The following MID2 variants were observed in gnomAD, a reference collection of about 807,000 sequenced individuals.
MID2 encodes midline 2.
A neutral mutation model predicts 46.1 loss-of-function variants in MID2; 13 were observed. The ratio of observed to expected loss-of-function variants is 0.28; its 90% CI spans 0.18 to 0.45. The LOEUF (loss-of-function observed/expected upper bound fraction) is 0.45, where lower values mean the gene tolerates loss of function less well. Ranked by LOEUF, MID2 falls within the 20% of genes least tolerant of loss-of-function variation. MID2 has a pLI of 1.00. For missense variants in MID2, 431 were observed against 575.4 expected (o/e 0.75, Z 2.57); for synonymous variants, 199 against 212.3 (o/e 0.94, Z 0.55).
intron 3 of MID2, among the ~76,000 whole-genome samples, chrX:107,890,194 C>T (rs1932565962): frequency 8.9e-6 from 1 of 112,251 alleles, no homozygotes; most frequent in South Asian, 3.7e-4. Flanking sequence ...GAAAGGCGCT[C>T]TGATTTTTAG....
intron 5 of MID2, among the ~76,000 whole-genome samples, chrX:107,913,907 C>T (rs146500604): frequency 8.0e-5 from 9 of 111,877 alleles, no homozygotes; most frequent in East Asian, 5.6e-4. Flanking sequence ...ACGTTTGTAA[C>T]GTGGCCTACA....
intron 4 of MID2, 24 bp downstream of exon 4, chrX:107,904,089 T>A: frequency 1.0e-6 from 1 of 998,972 alleles, no homozygotes; most frequent in African/African-American, 1.9e-5. Flanking sequence ...CTTCAGTGAA[T>A]CCAAGGAAGG....
intron 2 of MID2, among the ~76,000 whole-genome samples, chrX:107,843,353 T>A (rs772732145): frequency 4.5e-4 from 50 of 112,215 alleles, no homozygotes; most frequent in African/African-American, 1.4e-3. Context: ...ACATGATGAT[T>A]GATTAGATAT....
At chrX:107,856,102 A>G (rs181304981) in intron 3 of MID2, among the ~76,000 whole-genome samples, 2 of 112,244 alleles carry the variant, frequency 1.8e-5, no homozygotes, top group East Asian at 5.6e-4. Context: ...ACTTCTTTCT[A>G]GGTATCACAG....
chrX:107,847,077 A>ATTTATT (rs1214500012), intron 2 of MID2, among the ~76,000 whole-genome samples: 1 of 112,556 alleles, frequency 8.9e-6, no homozygotes, highest in Non-Finnish European at 1.9e-5. Context: ...ATAATGAGGT[A>ATTTATT]ATGCCTTATT....
At chrX:107,870,742 A>G (rs1302385328) in intron 3 of MID2, among the ~76,000 whole-genome samples, 1 of 101,257 alleles carries the variant, frequency 9.9e-6, no homozygotes, top group Non-Finnish European at 2.0e-5. Context: ...AGCAAGCACT[A>G]CAAATTGCGG....
At chrX:107,888,390 G>C (rs1277598386) in intron 3 of MID2, among the ~76,000 whole-genome samples, 2 of 112,308 alleles carry the variant, frequency 1.8e-5, no homozygotes, top group East Asian at 5.5e-4. Context: ...GTACCCAGTA[G>C]TCATTCAGGA....
rs781181934 is a variant in MID2 at position 107,880,439 on chromosome X, A to AGTT, written c.817-23518_817-23516dup. Reference sequence around the variant, plus strand: ...GCCTAGCTTAGGGTTTTCCAAAGGTAGTTTGGGGGAAGGGGTGGGAGTGGT... The same window carrying AGTT: ...GCCTAGCTTAGGGTTTTCCAAAGGTAGTTGTTTGGGGGAAGGGGTGGGAGTGGT... On this transcript the variant is annotated intron_variant, in intron 3 of 9. Coordinates refer to ENST00000262843, the MANE Select transcript of MID2 (RefSeq NM_012216.4). Among the ~76,000 whole-genome samples, 9 of 111,255 alleles carry AGTT rather than the reference A, an allele frequency of 8.1e-5. No homozygotes were observed. In the Admixed American group the frequency reaches 8.6e-4, roughly 11 times the overall value.
chrX:107,920,213 C>T (rs1411065446), intron 7 of MID2, among the ~76,000 whole-genome samples: 5 of 112,290 alleles, frequency 4.5e-5, no homozygotes, highest in South Asian at 3.7e-4. Flanking sequence ...TTTCCTTTGA[C>T]GTTTTTTCAC....
Position 107,909,800 on chromosome X carries a change from G to A in MID2, c.1073+4174G>A, listed in dbSNP as rs145702239. On this transcript the variant is annotated intron_variant, in intron 5 of 9. Coordinates refer to ENST00000262843, the MANE Select transcript of MID2 (RefSeq NM_012216.4). ...CTGGCTTCCATTATTGTGTTGAGACGTTCACTGCCGTTTTGAATCCAGATC... is the reference window on the plus strand; with the variant it reads ...CTGGCTTCCATTATTGTGTTGAGACATTCACTGCCGTTTTGAATCCAGATC... Among the ~76,000 whole-genome samples the A allele has an allele frequency of 5.9e-3, 664 of 112,436 alleles. 3 individuals carry two copies. Among genetic ancestry groups the A allele is most frequent in the Non-Finnish European group, 0.011 (591 of 53,272 alleles).
intron 3 of MID2, chrX:107,895,064 C>T (rs1252228891): frequency 9.0e-6 from 1 of 110,876 alleles, no homozygotes; most frequent in African/African-American, 3.3e-5. Flanking sequence ...AGAGTTCCCA[C>T]ATACATTTAA....
chrX:107,900,647 T>C (rs1224203723), intron 3 of MID2, among the ~76,000 whole-genome samples: 2 of 111,638 alleles, frequency 1.8e-5, no homozygotes, highest in Non-Finnish European at 3.8e-5. Context: ...AAAAATAAAG[T>C]TCAGTCTCAT....
At position 107,930,340 on chromosome X, in the gene MID2, G is replaced by A. The variant is rs1933261124; in HGVS notation, c.*3267G>A. On this transcript the variant is annotated 3_prime_UTR_variant, in exon 10 of 10. Coordinates refer to ENST00000262843, the MANE Select transcript of MID2 (RefSeq NM_012216.4). ...GGCTCCTACATAATAAATGATCATT[G>A]TCCTCCTCAAAAACTCTTTGGCAGT... Among the ~76,000 whole-genome samples, 1 of 111,753 alleles carries A rather than the reference G, an allele frequency of 8.9e-6. No homozygotes were observed. Among genetic ancestry groups the A allele is most frequent in the African/African-American group, 3.2e-5 (1 of 30,780 alleles).
At chrX:107,901,226 A>C (rs1436522936) in intron 3 of MID2, 1 of 111,905 alleles carries the variant, frequency 8.9e-6, no homozygotes, top group African/African-American at 3.2e-5. Flanking sequence ...GGTTGTAAAC[A>C]CTACTGCACT....
intron 7 of MID2, among the ~76,000 whole-genome samples, chrX:107,921,081 A>G (rs763902634): frequency 8.9e-6 from 1 of 111,955 alleles, no homozygotes; most frequent in South Asian, 3.7e-4. Context: ...AAAGAACCCA[A>G]TATTGTCCTT....
intron 1 of MID2, among the ~76,000 whole-genome samples, chrX:107,826,717 T>G (rs1483534235): frequency 8.8e-6 from 1 of 113,202 alleles, no homozygotes; most frequent in African/African-American, 3.2e-5. Flanking sequence ...CCGAGGCCTC[T>G]GCGCAGCCTG....
At chrX:107,899,594 T>A (rs1475716211) in intron 3 of MID2, among the ~76,000 whole-genome samples, 2 of 111,712 alleles carry the variant, frequency 1.8e-5, no homozygotes, top group Non-Finnish European at 3.8e-5. Flanking sequence ...GGAGCCTGTG[T>A]TGCCTAGTGT....
At chrX:107,892,879 T>C (rs1481189739) in intron 3 of MID2, among the ~76,000 whole-genome samples, 2 of 112,647 alleles carry the variant, frequency 1.8e-5, no homozygotes, top group African/African-American at 3.2e-5. Flanking sequence ...GTGATAAACC[T>C]CTTTTGTAGC....
At chrX:107,910,957 G>A (rs990003620) in intron 5 of MID2, among the ~76,000 whole-genome samples, 4 of 100,238 alleles carry the variant, frequency 4.0e-5, no homozygotes, top group Admixed American at 1.1e-4. Flanking sequence ...AGATTCAAGT[G>A]ATTCTTCTGC....
Sources: gnomAD v4.1 joint callset for allele counts (sites outside exome capture counted in the v4.1 genomes callset) on GRCh38, gnomAD v4.1.1 for gene constraint, MANE v1.5 for transcripts, NCBI Gene and HGNC (gene_info 2026-07-23, HGNC 2026-07-21) for gene names.